HIBCH: variants seen among roughly 807,000 people sequenced by gnomAD.
HIBCH encodes the protein 3-hydroxyisobutyryl-CoA hydrolase, mitochondrial.
In HIBCH, 50 loss-of-function variants were observed where a neutral mutation model predicts 58.2. The observed-to-expected ratio is 0.86, with a 90% CI of 0.68 to 1.09. The LOEUF (loss-of-function observed/expected upper bound fraction) is 1.09. HIBCH is among the 50% of genes least tolerant of loss of function. The pLI is 0.00. For synonymous variants in HIBCH, 151 were observed against 146.9 expected, an observed-to-expected ratio of 1.03 and a Z score of -0.20; for missense variants, 450 against 449.7, an observed-to-expected ratio of 1.00 and a Z score of -0.01.
At chr2:190,316,406 G>C (rs1032046058) in intron 1 of HIBCH, among the ~76,000 whole-genome samples, 1 of 152,114 alleles carries the variant, frequency 6.6e-6, no homozygotes, top group African/African-American at 2.4e-5. Context: ...TTACAGACTT[G>C]AGTCACCATG....
In HIBCH at chr2:190,319,760, C is replaced by G. The variant is rs769464877; in HGVS notation, c.-10G>C. 1.2e-6 allele frequency: 2 copies of G among 1,611,194 alleles called. No homozygotes were observed. On this transcript the variant is annotated 5_prime_UTR_variant, in exon 1 of 14. Transcript: ENST00000359678. ...TCTCGCGCTGCCCCATCGCCAAACA[C>G]TCCGAAGCTAAAGCAGCAGAGCGAG... is the stretch of plus-strand genomic sequence containing the variant.
chr2:190,270,706 G>C (rs989646514), intron 6 of HIBCH, among the ~76,000 whole-genome samples: 1 of 152,132 alleles, frequency 6.6e-6, no homozygotes, highest in Admixed American at 6.5e-5. Flanking sequence ...TGGCATAAAA[G>C]TTACTATTAT....
intron 1 of HIBCH, among the ~76,000 whole-genome samples, chr2:190,196,876 C>T (rs1575680956): frequency 6.6e-6 from 1 of 152,096 alleles, no homozygotes; most frequent in East Asian, 1.9e-4. Context: ...GATGGTATAA[C>T]AAAATACCAG....
In HIBCH at chr2:190,306,415, A is replaced by G. The variant is rs1688407008; in HGVS notation, c.78+4339T>C. On this transcript the variant is annotated intron_variant, in intron 2 of 13. Transcript: ENST00000359678. The surrounding 1 kb of genome is among the most constrained non-coding windows in gnomAD (Gnocchi z 4.6). ...CACGAAGAAGAAGGTTTTTGCTGTGAGCCACCATGAAGAAGAAGGTAATGT... is the reference window on the plus strand; with the variant it reads ...CACGAAGAAGAAGGTTTTTGCTGTGGGCCACCATGAAGAAGAAGGTAATGT... Among the ~76,000 whole-genome samples, 2 of 152,148 alleles carry G rather than the reference A, an allele frequency of 1.3e-5. No individual in the cohort carries two copies. Among genetic ancestry groups the G allele is most frequent in the Non-Finnish European group, 2.9e-5 (2 of 68,014 alleles).
rs562037752 is a variant in HIBCH, at chr2:190,315,409, C to G, written c.35+4307G>C. ...AGAAACTGAAATTCTCTGCCCCACCCCAGACCTACTGAACAAGAAACTGTG... is the reference window on the plus strand; with the variant it reads ...AGAAACTGAAATTCTCTGCCCCACCGCAGACCTACTGAACAAGAAACTGTG... On this transcript the variant is annotated intron_variant, in intron 1 of 13. Coordinates refer to ENST00000359678, the MANE Select transcript of HIBCH (RefSeq NM_014362.4). This position sits in a 1 kb window ranked among gnomAD's most constrained non-coding sequence, Gnocchi z 5.4. Among the ~76,000 whole-genome samples the G allele has an allele frequency of 6.6e-6, 1 of 152,290 alleles. No individual in the cohort carries two copies. The highest frequency in any genetic ancestry group is 2.1e-4 in the South Asian group (1 of 4,828).
chr2:190,277,027 C>T (rs887071631), intron 6 of HIBCH, among the ~76,000 whole-genome samples: 43 of 152,032 alleles, frequency 2.8e-4, no homozygotes, highest in Non-Finnish European at 5.9e-4. Context: ...AACTTTTTGA[C>T]GTCCCCTCAT....
intron 10 of HIBCH, 121 bp downstream of exon 10, chr2:190,246,033 A>T (rs1686596500): frequency 1.7e-6 from 1 of 595,076 alleles, no homozygotes; most frequent in Non-Finnish European, 3.0e-6. Flanking sequence ...ATACTTTCTG[A>T]TCTCAGAATT....
chr2:190,218,130 C>T (rs143223582), intron 11 of HIBCH, among the ~76,000 whole-genome samples: 378 of 148,330 alleles, frequency 2.5e-3, no homozygotes, highest in African/African-American at 8.7e-3. Context: ...CCAAGTCTTA[C>T]CTTGTGGGAA....
chr2:190,304,632 A>AT lies in HIBCH; in HGVS notation c.78+6121dup, dbSNP rs201160834. Among the ~76,000 whole-genome samples the AT allele has an allele frequency of 0.012, 1,837 of 152,308 alleles. 30 individuals carry two copies. The highest frequency in any genetic ancestry group is 0.02 in the Middle Eastern group (6 of 294). ...CACGAAACCAATATTCTCAGTTTTG[A>AT]TAAGTGTACCATAGTAAGAATAGTA... On this transcript the variant is annotated intron_variant, in intron 2 of 13. Transcript: ENST00000359678. The surrounding 1 kb of genome is among the most constrained non-coding windows in gnomAD (Gnocchi z 4.1).
At chr2:190,313,494 T>C (rs1688611442) in intron 1 of HIBCH, among the ~76,000 whole-genome samples, 2 of 152,072 alleles carry the variant, frequency 1.3e-5, no homozygotes, top group Admixed American at 1.3e-4. Flanking sequence ...AAAGTAAAAA[T>C]GGCCTTGCTG....
At chr2:190,309,068 T>C (rs144665431) in intron 2 of HIBCH, among the ~76,000 whole-genome samples, 20 of 152,294 alleles carry the variant, frequency 1.3e-4, no homozygotes, top group Non-Finnish European at 1.0e-4. Context: ...TACTAAATAC[T>C]TCATAAAACA....
chr2:190,221,253 G>A lies in HIBCH; in HGVS notation c.892-8178C>T, dbSNP rs141850693. Among the ~76,000 whole-genome samples the A allele has an allele frequency of 9.1e-4, 139 of 152,284 alleles. 3 individuals are homozygous for A. The East Asian group carries it at 0.015, about 17-fold the overall frequency. ...TCTTCGGGTTTGGACTCTACCGTCA[G>A]AGAGTGCTGGGTTAGAATCCTAGGC... On this transcript the variant is annotated intron_variant, in intron 11 of 13. Transcript: ENST00000359678.
intron 6 of HIBCH, among the ~76,000 whole-genome samples, chr2:190,272,156 T>C (rs1687417260): frequency 6.6e-6 from 1 of 152,216 alleles, no homozygotes; most frequent in Non-Finnish European, 1.5e-5. Flanking sequence ...AGGCTGGTAT[T>C]GTTTAATGTA....
chr2:190,248,374 G>A (rs1181469749), intron 9 of HIBCH, among the ~76,000 whole-genome samples: 3 of 152,092 alleles, frequency 2.0e-5, no homozygotes, highest in Non-Finnish European at 2.9e-5. Flanking sequence ...AGTGGGGTGG[G>A]ATGCAGCGGT....
chr2:190,246,372 T>C (rs933559019), intron 9 of HIBCH, among the ~76,000 whole-genome samples, 160 bp from the exon 10 acceptor site: 1 of 152,222 alleles, frequency 6.6e-6, no homozygotes, highest in Admixed American at 6.5e-5. Flanking sequence ...TGATCAAAAT[T>C]CAGACAGCAT....
chr2:190,191,317 G>A (rs1434254051), intron 1 of HIBCH, among the ~76,000 whole-genome samples: 1 of 151,976 alleles, frequency 6.6e-6, no homozygotes. Context: ...TAACTTTCTT[G>A]TATTTTCAGT....
chr2:190,278,405 C>T (rs1575744368), intron 6 of HIBCH, among the ~76,000 whole-genome samples: 1 of 152,094 alleles, frequency 6.6e-6, no homozygotes, highest in African/African-American at 2.4e-5. Flanking sequence ...GATTTCGCCA[C>T]GTTGGCCAGG....
intron 11 of HIBCH, among the ~76,000 whole-genome samples, chr2:190,239,929 CA>C (rs1686402752): frequency 6.6e-6 from 1 of 152,144 alleles, no homozygotes; most frequent in Non-Finnish European, 1.5e-5. Context: ...GGATTACAGG[CA>C]TGAGCCACCG....
intron 5 of HIBCH, among the ~76,000 whole-genome samples, chr2:190,288,173 TTA>T (rs1491328079): frequency 1.7e-3 from 1 of 580 alleles, no homozygotes; most frequent in African/African-American, 7.0e-3. Context: ...TTTTTTTTTT[TTA>T]AAAAAAGGAA....
Sources: gnomAD v4.1 joint callset for allele counts (sites outside exome capture counted in the v4.1 genomes callset) on GRCh38, gnomAD v4.1.1 for gene constraint, Gnocchi (gnomAD v3.1) non-coding constraint, MANE v1.5 for transcripts, NCBI Gene and HGNC (gene_info 2026-07-23, HGNC 2026-07-21) for gene names.